The following GLYATL2 variants were observed in gnomAD, a reference collection of about 807,000 sequenced individuals.
GLYATL2 encodes the protein glycine-N-acyltransferase like 2.
Under a neutral mutation model 21.4 loss-of-function variants are expected in GLYATL2, and 25 were observed. That is an observed-to-expected ratio of 1.17 (90% CI 0.85 to 1.63). GLYATL2 has a LOEUF of 1.63. GLYATL2 is among the 40% of genes most tolerant of loss of function. The probability of loss-of-function intolerance (pLI) is 0.00; values close to 1 mark genes in which losing one functional copy is unlikely to be tolerated. For synonymous variants in GLYATL2, 114 were observed against 118.2 expected, an observed-to-expected ratio of 0.96 and a Z score of 0.23; for missense variants, 361 against 343.3, an observed-to-expected ratio of 1.05 and a Z score of -0.41.
intron 1 of GLYATL2, among the ~76,000 whole-genome samples, chr11:58,899,712 G>A (rs1269409746): frequency 6.6e-6 from 1 of 152,110 alleles, no homozygotes; most frequent in African/African-American, 2.4e-5. Flanking sequence ...TGGTCCACTA[G>A]GGTGAACAAA....
chr11:58,865,736 G>GCCT (rs5792133), intron 1 of GLYATL2, among the ~76,000 whole-genome samples: 2 of 148,234 alleles, frequency 1.3e-5, no homozygotes, highest in South Asian at 4.3e-4. Flanking sequence ...AAGGAAGAAG[G>GCCT]CAGGTGTCTT....
intron 1 of GLYATL2, among the ~76,000 whole-genome samples, chr11:58,863,304 C>T (rs588881): frequency 0.89 from 135,182 of 152,148 alleles, 61,187 homozygotes; most frequent in Non-Finnish European, 0.98. Context: ...AATGTCTGGG[C>T]CTACTGGGAT....
intron 1 of GLYATL2, among the ~76,000 whole-genome samples, chr11:58,849,959 T>C (rs1224191207): frequency 7.3e-5 from 11 of 151,682 alleles, no homozygotes; most frequent in Admixed American, 7.2e-4. Context: ...ACAATTCCAA[T>C]AGAAAAACAG....
chr11:58,883,384 A>G (rs745786758), intron 1 of GLYATL2, among the ~76,000 whole-genome samples: 2 of 152,204 alleles, frequency 1.3e-5, no homozygotes, highest in Non-Finnish European at 2.9e-5. Context: ...GATAAAGGGG[A>G]TATCACCACC....
At chr11:58,840,952 A>G (rs755479284) in intron 1 of GLYATL2, 2 of 151,734 alleles carry the variant, frequency 1.3e-5, no homozygotes, top group Non-Finnish European at 2.9e-5. Flanking sequence ...ATTTGCATAT[A>G]CCCACCTGAA....
intron 1 of GLYATL2, chr11:58,878,240 A>T (rs1450143001): frequency 1.5e-5 from 5 of 333,454 alleles, no homozygotes; most frequent in Non-Finnish European, 2.3e-5. Context: ...AATTCAGCTG[A>T]AGTTTTTCTT....
intron 1 of GLYATL2, among the ~76,000 whole-genome samples, chr11:58,901,348 T>A (rs546836883): frequency 6.8e-4 from 104 of 152,330 alleles, no homozygotes; most frequent in African/African-American, 2.5e-3. Flanking sequence ...TACATTTTGC[T>A]TGAGTTTCTC....
intron 1 of GLYATL2, among the ~76,000 whole-genome samples, chr11:58,886,868 G>C (rs960749982): frequency 2.0e-5 from 3 of 152,156 alleles, no homozygotes; most frequent in Non-Finnish European, 2.9e-5. Context: ...GGTCAGGATT[G>C]GGATGCAGAA....
At chr11:58,851,301 C>T (rs1853736982) in intron 1 of GLYATL2, among the ~76,000 whole-genome samples, 2 of 152,096 alleles carry the variant, frequency 1.3e-5, no homozygotes, top group South Asian at 4.1e-4. Context: ...ACGCACAGAC[C>T]CTGTGGGGCT....
intron 1 of GLYATL2, among the ~76,000 whole-genome samples, chr11:58,839,874 A>T (rs2134573374): frequency 6.6e-6 from 1 of 152,298 alleles, no homozygotes; most frequent in East Asian, 1.9e-4. Flanking sequence ...TCCACTTAAA[A>T]AGTACATTAA....
chr11:58,871,935 T>G (rs1028279614), intron 1 of GLYATL2, among the ~76,000 whole-genome samples: 1 of 152,214 alleles, frequency 6.6e-6, no homozygotes, highest in Non-Finnish European at 1.5e-5. Context: ...CCACATCCTC[T>G]CCAGCACCTG....
At chr11:58,835,388 AAAG>A (rs1430646141) in intron 5 of GLYATL2, among the ~76,000 whole-genome samples, 2 of 152,208 alleles carry the variant, frequency 1.3e-5, no homozygotes, top group Admixed American at 1.3e-4. Context: ...AATATAAGAA[AAAG>A]AATACTACAT....
chr11:58,863,933 C>G (rs2134596842), intron 1 of GLYATL2, among the ~76,000 whole-genome samples: 1 of 152,302 alleles, frequency 6.6e-6, no homozygotes. Flanking sequence ...AGTAGGGTGG[C>G]AGAAACTGGC....
intron 1 of GLYATL2, 122 bp downstream of exon 1, chr11:58,844,312 T>G (rs2134580315): frequency 6.6e-6 from 1 of 152,110 alleles, no homozygotes; most frequent in African/African-American, 2.4e-5. Context: ...CCCTGGGGAG[T>G]GCTCTTTCCA....
intron 1 of GLYATL2, among the ~76,000 whole-genome samples, chr11:58,857,282 GA>G (rs34068885): frequency 0.89 from 134,901 of 152,054 alleles, 61,001 homozygotes; most frequent in Non-Finnish European, 0.98. Flanking sequence ...TGAGCATTAA[GA>G]AAAAAACCCA....
chr11:58,896,780 G>T (rs1343193810), intron 1 of GLYATL2, among the ~76,000 whole-genome samples: 1 of 152,118 alleles, frequency 6.6e-6, no homozygotes, highest in African/African-American at 2.4e-5. Flanking sequence ...GGCCCAGACT[G>T]CTCTTTGTTT....
At chr11:58,859,923 C>T (rs1200067684) in intron 1 of GLYATL2, among the ~76,000 whole-genome samples, 1 of 152,166 alleles carries the variant, frequency 6.6e-6, no homozygotes, top group Admixed American at 6.5e-5. Flanking sequence ...AAATCAATCA[C>T]CTTAAATGCA....
intron 1 of GLYATL2, chr11:58,892,951 A>G (rs763406107): frequency 9.4e-5 from 28 of 298,748 alleles, no homozygotes; most frequent in Admixed American, 2.0e-4. Context: ...TGTGATGAAT[A>G]AAGGTTGTCA....
chr11:58,869,311 G>A (rs181103128), intron 1 of GLYATL2, among the ~76,000 whole-genome samples: 1 of 152,274 alleles, frequency 6.6e-6, no homozygotes. Context: ...GGGAAAGTGG[G>A]TTTTTGTGCT....
Sources: gnomAD v4.1 joint callset for allele counts (sites outside exome capture counted in the v4.1 genomes callset) on GRCh38, gnomAD v4.1.1 for gene constraint, MANE v1.5 for transcripts, NCBI Gene and HGNC (gene_info 2026-07-23, HGNC 2026-07-21) for gene names.